Variants in SRPK2 observed in about 807,000 individuals in gnomAD.
SRPK2 encodes the protein SFRS protein kinase 2.
Under a neutral mutation model 90.8 loss-of-function variants are expected in SRPK2, and 21 were observed. That is an observed-to-expected ratio of 0.23 (90% confidence interval 0.16 to 0.33). SRPK2 has a LOEUF of 0.33. SRPK2 is among the 10% of genes least tolerant of loss of function. The pLI is 1.00. For missense variants in SRPK2, 620 were observed against 869.0 expected, an observed-to-expected ratio of 0.71 and a Z score of 3.60; for synonymous variants, 288 against 311.1, an observed-to-expected ratio of 0.93 and a Z score of 0.78.
intron 2 of SRPK2, among the ~76,000 whole-genome samples, chr7:105,331,820 T>C (rs1383560460): frequency 6.6e-6 from 1 of 152,094 alleles, no homozygotes; most frequent in Non-Finnish European, 1.5e-5. Flanking sequence ...GGAACGGTCA[T>C]GAAAGTCTCC....
chr7:105,187,224 T>C (rs1038832861), intron 3 of SRPK2, among the ~76,000 whole-genome samples: 6 of 152,228 alleles, frequency 3.9e-5, no homozygotes, highest in Admixed American at 2.0e-4. Context: ...AAGATGTGCC[T>C]TCAATCTTTA....
intron 2 of SRPK2, among the ~76,000 whole-genome samples, chr7:105,303,525 C>T (rs536934328): frequency 2.8e-4 from 43 of 151,508 alleles, no homozygotes; most frequent in Non-Finnish European, 4.9e-4. Flanking sequence ...ATTAAATCCA[C>T]AAGATTTATG....
At chr7:105,318,257 G>A (rs777380528) in intron 2 of SRPK2, among the ~76,000 whole-genome samples, 13 of 151,962 alleles carry the variant, frequency 8.6e-5, no homozygotes, top group African/African-American at 1.7e-4. Flanking sequence ...AGGTCGCCCA[G>A]CTAATTTTTG....
At chr7:105,119,236 A>G (rs541599178) in intron 15 of SRPK2, among the ~76,000 whole-genome samples, 24 of 152,106 alleles carry the variant, frequency 1.6e-4, no homozygotes, top group Non-Finnish European at 2.8e-4. Context: ...GAGATGCATC[A>G]ATAGATAATC....
rs138171119 is a variant in SRPK2 at position 105,165,268 on chromosome 7, A to G, written c.514+2109T>C. On this transcript the variant is annotated intron_variant, in intron 6 of 15. Coordinates refer to ENST00000393651, the MANE Select transcript of SRPK2 (RefSeq NM_182692.3). ...CCCATCAAAACCAACAAGCATCCAC[A>G]TAACTTAGTAGCATGGTCAAAACTG... 1.1e-3 allele frequency among the ~76,000 whole-genome samples: 163 copies of G among 152,288 alleles called. 1 individual carries two copies. The highest frequency in any genetic ancestry group is 3.8e-3 in the African/African-American group (157 of 41,562).
intron 2 of SRPK2, among the ~76,000 whole-genome samples, chr7:105,222,216 A>G (rs1798177950): frequency 6.6e-6 from 1 of 152,256 alleles, no homozygotes; most frequent in South Asian, 2.1e-4. Flanking sequence ...AAAACCAAAC[A>G]TAATGCCAAA....
At chr7:105,239,266 C>T (rs960201429) in intron 2 of SRPK2, among the ~76,000 whole-genome samples, 3 of 152,124 alleles carry the variant, frequency 2.0e-5, no homozygotes, top group African/African-American at 4.8e-5. Context: ...ATGTTATAAG[C>T]GACCTAAAAT....
intron 2 of SRPK2, among the ~76,000 whole-genome samples, chr7:105,285,785 C>A (rs890772001): frequency 1.3e-5 from 2 of 152,202 alleles, no homozygotes; most frequent in African/African-American, 4.8e-5. Context: ...GTTCCTGTGG[C>A]CTCACCAGAA....
At position 105,232,458 on chromosome 7, in the gene SRPK2, T is replaced by TAAAAAAAAAAAAAAAAA. The variant is rs10533429; in HGVS notation, c.72-28690_72-28674dup. ...TGGGCAACAAGAGCGAAACCTTATC[T>TAAAAAAAAAAAAAAAAA]AAAAAAAAAAAAAAAAAAAAAAAAG... On this transcript the variant is annotated intron_variant, in intron 2 of 15. Coordinates refer to ENST00000393651, the MANE Select transcript of SRPK2 (RefSeq NM_182692.3). 7.6e-5 allele frequency among the ~76,000 whole-genome samples: 10 copies of TAAAAAAAAAAAAAAAAA among 132,096 alleles called. 1 individual carries two copies. Among genetic ancestry groups the TAAAAAAAAAAAAAAAAA allele is most frequent in the African/African-American group, 2.8e-4 (10 of 35,278 alleles). The allele number at this position is 132,096 out of a possible 152,430, so 86.7% of individuals were successfully genotyped here. A position where few individuals can be genotyped will look rare whatever the true frequency, so the allele number is the denominator to read the frequency against.
intron 2 of SRPK2, among the ~76,000 whole-genome samples, chr7:105,266,837 A>T (rs1805151701): frequency 6.6e-6 from 1 of 152,210 alleles, no homozygotes; most frequent in African/African-American, 2.4e-5. Flanking sequence ...AACAAATTAA[A>T]AAGACAAATG....
intron 13 of SRPK2, among the ~76,000 whole-genome samples, chr7:105,130,181 C>CT (rs779367606): frequency 6.8e-4 from 103 of 152,320 alleles, no homozygotes; most frequent in Non-Finnish European, 7.8e-4. Context: ...GCTGTCCTCC[C>CT]TGACAATAGC....
chr7:105,359,614 T>A (rs1030950142), intron 2 of SRPK2, among the ~76,000 whole-genome samples: 1 of 152,236 alleles, frequency 6.6e-6, no homozygotes, highest in Non-Finnish European at 1.5e-5. Context: ...CTATGTCATC[T>A]TCCTCATCGT....
At chr7:105,137,105 G>C (rs1802945467) in intron 11 of SRPK2, among the ~76,000 whole-genome samples, 1 of 152,224 alleles carries the variant, frequency 6.6e-6, no homozygotes, top group African/African-American at 2.4e-5. Context: ...TCTGAACAAA[G>C]GCAGGCATGA....
chr7:105,351,816 AAAAG>A lies in SRPK2; in HGVS notation c.71+36828_71+36831del, dbSNP rs201678445. 7.1e-3 allele frequency among the ~76,000 whole-genome samples: 1,066 copies of A among 150,356 alleles called. 14 individuals are homozygous for A. Among genetic ancestry groups the A allele is most frequent in the African/African-American group, 0.026 (1,030 of 40,000 alleles). ...CAAGACTCCATCTCAAAAAAAAAAA[AAAAG>A]AAGAAGAAGAAGAAGAAGAAATAAA... On this transcript the variant is annotated intron_variant, in intron 2 of 15. Coordinates refer to ENST00000393651, the MANE Select transcript of SRPK2 (RefSeq NM_182692.3).
intron 2 of SRPK2, chr7:105,301,900 C>A (rs1249363180): frequency 5.0e-6 from 8 of 1,603,482 alleles, no homozygotes; most frequent in South Asian, 3.3e-5. Flanking sequence ...TAAGCAATAT[C>A]ATCTCAATTG....
intron 2 of SRPK2, among the ~76,000 whole-genome samples, chr7:105,335,084 T>C (rs1043691575): frequency 6.6e-6 from 1 of 152,028 alleles, no homozygotes; most frequent in Non-Finnish European, 1.5e-5. Context: ...GGAAGGAGAA[T>C]CGCTTGAACC....
intron 3 of SRPK2, among the ~76,000 whole-genome samples, chr7:105,192,732 T>C (rs568914283): frequency 3.9e-5 from 6 of 152,204 alleles, no homozygotes; most frequent in Non-Finnish European, 7.3e-5. Context: ...TTTTTGATTA[T>C]GGACATTCTT....
In SRPK2 at chr7:105,396,820, A is replaced by AAG. The variant is rs141143136; in HGVS notation, n.153+2334_153+2335dup. 1.6e-4 allele frequency among the ~76,000 whole-genome samples: 19 copies of AAG among 120,302 alleles called. 1 individual carries two copies. Among genetic ancestry groups the AAG allele is most frequent in the African/African-American group, 4.6e-4 (14 of 30,552 alleles). 78.9% of individuals were successfully genotyped at this position (120,302 alleles called of 152,430 possible). On this transcript the variant is annotated intron_variant and non_coding_transcript_variant, in intron 1 of 3. Transcript: ENST00000462282. ...AGAAAGAGAAAGAAAGAAAGAGAGAAAGAGAGAGAGAGAGAGAAAGAAATA... is the reference window on the plus strand; with the variant it reads ...AGAAAGAGAAAGAAAGAAAGAGAGAAAGAGAGAGAGAGAGAGAGAAAGAAATA...
chr7:105,345,562 T>C (rs1039898661), intron 2 of SRPK2, among the ~76,000 whole-genome samples: 17 of 152,156 alleles, frequency 1.1e-4, no homozygotes, highest in Admixed American at 7.9e-4. Flanking sequence ...TATGTAACAA[T>C]TGTAAGTTAT....
Sources: allele counts gnomAD v4.1 joint callset (sites outside exome capture counted in the v4.1 genomes callset), GRCh38; gene constraint gnomAD v4.1.1; transcripts MANE v1.5; gene names NCBI Gene and HGNC (gene_info 2026-07-23, HGNC 2026-07-21).